The following CFAP43 variants were observed in gnomAD, a reference collection of about 807,000 sequenced individuals.
CFAP43 encodes cilia and flagella associated protein 43, also known as cilia- and flagella-associated protein 43.
In CFAP43, 155 loss-of-function variants were observed where a neutral mutation model predicts 218.9. The observed-to-expected ratio is 0.71, with a 90% confidence interval of 0.62 to 0.81. The LOEUF (loss-of-function observed/expected upper bound fraction) is 0.81, where lower values mean the gene tolerates loss of function less well. Ranked by LOEUF, CFAP43 falls within the 30% of genes least tolerant of loss-of-function variation. CFAP43 has a pLI of 0.00. For synonymous variants in CFAP43, 645 were observed against 681.3 expected (o/e 0.95, Z 0.83); for missense variants, 1,778 against 1,954.3 (o/e 0.91, Z 1.70).
chr10:104,179,294 A>G (rs779143293), intron 18 of CFAP43, among the ~76,000 whole-genome samples, 188 bp from the exon 19 acceptor site: 1 of 152,230 alleles, frequency 6.6e-6, no homozygotes. Flanking sequence ...AAGTGACATT[A>G]AAGCAACATG....
intron 28 of CFAP43, 149 bp downstream of exon 28, chr10:104,152,458 G>C: frequency 9.6e-7 from 1 of 1,045,510 alleles, no homozygotes; most frequent in Non-Finnish European, 1.4e-6. Context: ...AGGTAAAGGG[G>C]AAGGTGCACA....
intron 33 of CFAP43, 105 bp downstream of exon 33, chr10:104,142,176 A>G: frequency 1.2e-6 from 1 of 836,054 alleles, no homozygotes; most frequent in Non-Finnish European, 1.8e-6. Context: ...TGGAAGGGAG[A>G]TGGCTGTAAA....
Position 104,152,689 on chromosome 10 carries a change from A to G in CFAP43, c.3578T>C (p.Ile1193Thr), listed in dbSNP as rs752619388. 1.1e-5 allele frequency: 18 copies of G among 1,613,320 alleles called. No individual in the cohort carries two copies. Among genetic ancestry groups the G allele is most frequent in the Middle Eastern group, 1.7e-4 (1 of 6,058 alleles). Residue 1193 changes from isoleucine to threonine, a missense_variant, in exon 28 of 38, where the codon ATT becomes ACT. Physicochemically the swap from Ile to Thr is moderately conservative, Grantham distance 89. Transcript: ENST00000357060. ...ATCAAAGGCCTGTGTGCTTTCTTGA[A>G]TAGAGTTTTGAAGTTTCTTCAGTTC... ...EAELKKLQNS[I>T]QESTQAFDEH...
intron 3 of CFAP43, among the ~76,000 whole-genome samples, chr10:104,218,012 C>T (rs1439917919): frequency 2.6e-5 from 4 of 152,146 alleles, no homozygotes; most frequent in African/African-American, 2.4e-5. Flanking sequence ...TTGCTTGCGC[C>T]GTAAATACAT....
In CFAP43 at chr10:104,167,738, C is replaced by A. The variant is rs200679559; in HGVS notation, c.2692-1G>T. The A allele has an allele frequency of 1.9e-6, 3 of 1,596,058 alleles. No homozygotes were observed. Among genetic ancestry groups the A allele is most frequent in the African/African-American group, 2.7e-5 (2 of 73,834 alleles). ...CAACCACACAGGGGATATGAAAACA[C>A]TTGGGGAAAAAAACGCAAGACAAAA... is the stretch of plus-strand genomic sequence containing the variant. On this transcript the variant is annotated splice_acceptor_variant, in intron 21 of 37. Coordinates refer to ENST00000357060, the MANE Select transcript of CFAP43 (RefSeq NM_025145.7). LOFTEE classifies it high-confidence loss of function.
chr10:104,162,285 T>A (rs1307376943), intron 25 of CFAP43, 32 bp downstream of exon 25: 1 of 1,569,964 alleles, frequency 6.4e-7, no homozygotes, highest in Middle Eastern at 1.7e-4. Flanking sequence ...GCAAAGAGGG[T>A]CTTAGGACCT....
At chr10:104,131,999 T>A (rs1367542799) in intron 36 of CFAP43, 117 bp downstream of exon 36, 5 of 695,424 alleles carry the variant, frequency 7.2e-6, no homozygotes, top group Non-Finnish European at 1.1e-5. Flanking sequence ...TCATGAATAC[T>A]AGTAAATAAC....
Position 104,189,973 on chromosome 10 carries a change from C to T in CFAP43, c.1547-1563G>A, listed in dbSNP as rs368509349. On this transcript the variant is annotated intron_variant, in intron 12 of 37. Coordinates refer to ENST00000357060, the MANE Select transcript of CFAP43 (RefSeq NM_025145.7). Reference sequence around the variant, plus strand: ...ATGAGGTCAGGAGATCGAGACCATCCTGGCTAACATGGTGAAACCCCGTTT... The same window carrying T: ...ATGAGGTCAGGAGATCGAGACCATCTTGGCTAACATGGTGAAACCCCGTTT... Among the ~76,000 whole-genome samples, 72 of 152,190 alleles carry T rather than the reference C, an allele frequency of 4.7e-4. 1 individual carries two copies. In the East Asian group the frequency reaches 0.014, roughly 29 times the overall value.
intron 26 of CFAP43, among the ~76,000 whole-genome samples, 164 bp downstream of exon 26, chr10:104,161,797 C>T (rs766666425): frequency 5.3e-5 from 8 of 152,084 alleles, no homozygotes; most frequent in East Asian, 3.9e-4. Flanking sequence ...TAAGCCACCA[C>T]GCCAGGCCCT....
At chr10:104,155,337 C>G (rs2088485081) in intron 27 of CFAP43, among the ~76,000 whole-genome samples, 1 of 152,116 alleles carries the variant, frequency 6.6e-6, no homozygotes, top group South Asian at 2.1e-4. Flanking sequence ...GCACTCATAG[C>G]AGTGAGGGGA....
intron 35 of CFAP43, among the ~76,000 whole-genome samples, chr10:104,133,281 A>G (rs187437748): frequency 3.9e-5 from 6 of 152,346 alleles, no homozygotes; most frequent in African/African-American, 1.2e-4. Context: ...TAAAAGAGGT[A>G]GAGTGGTATG....
At chr10:104,223,514 G>A (rs2091236139) in intron 3 of CFAP43, among the ~76,000 whole-genome samples, 1 of 152,214 alleles carries the variant, frequency 6.6e-6, no homozygotes, top group East Asian at 1.9e-4. Context: ...AGTAATTTGT[G>A]GAGCCAGGAT....
intron 32 of CFAP43, 81 bp downstream of exon 32, chr10:104,143,345 T>C (rs963727806): frequency 7.8e-5 from 97 of 1,251,070 alleles, no homozygotes; most frequent in Admixed American, 1.2e-4. Context: ...ATAATTAGCT[T>C]TTTTGGTTAC....
intron 10 of CFAP43, among the ~76,000 whole-genome samples, chr10:104,194,614 G>C (rs1462538405): frequency 6.6e-6 from 1 of 152,148 alleles, no homozygotes; most frequent in Non-Finnish European, 1.5e-5. Flanking sequence ...ACCGGAAGAT[G>C]TATTCAGTCA....
intron 10 of CFAP43, among the ~76,000 whole-genome samples, chr10:104,195,563 A>G (rs1271561979): frequency 6.6e-6 from 1 of 152,222 alleles, no homozygotes; most frequent in Non-Finnish European, 1.5e-5. Context: ...CATCTTATGT[A>G]AAATATGATG....
Position 104,146,274 on chromosome 10 carries a change from C to G in CFAP43, c.3844G>C (p.Ala1282Pro). The change falls in exon 30 of 38, where the codon GCA becomes CCA. Residue 1282 changes from alanine (A) to proline (P), a missense_variant. Ala to Pro is a conservative substitution (Grantham distance 27). This residue lies in a region of CFAP43 where 1,553 missense variants were observed against 1,685.2 expected (regional missense o/e 0.92). Transcript: ENST00000357060. ...VCKEHYDNLL[A>P]EDKVMDRSFK... ...ACAACAACTCTCACTTTGTCTTCTG[C>G]CAGTAAGTTGTCATAGTGCTCCTTG... is the stretch of plus-strand genomic sequence containing the variant. 6.2e-7 allele frequency: 1 copy of G among 1,613,462 alleles called. No homozygotes were observed. The highest frequency in any genetic ancestry group is 1.1e-5 in the South Asian group (1 of 91,048).
At position 104,142,377 on chromosome 10, in the gene CFAP43, G is replaced by T; in HGVS notation, c.4175C>A (p.Ala1392Asp). 1 of 1,612,586 alleles carries T rather than the reference G, an allele frequency of 6.2e-7. No homozygotes were observed. Among genetic ancestry groups the T allele is most frequent in the Non-Finnish European group, 8.5e-7 (1 of 1,179,322 alleles). Residue 1392 changes from alanine to aspartate, a missense_variant, in exon 33 of 38, where the codon GCT becomes GAT. Coordinates refer to ENST00000357060, the MANE Select transcript of CFAP43 (RefSeq NM_025145.7). Reference sequence around the variant, plus strand: ...GAAAGTTGCCATTTCCAATAAGTCAGCTGCTTTCTGCTTTACCTAAAGAAA... The same window carrying T: ...GAAAGTTGCCATTTCCAATAAGTCATCTGCTTTCTGCTTTACCTAAAGAAA... ...ENEQKVKQKA[A>D]DLLEMATFLQ...
In CFAP43 at chr10:104,130,310, C is replaced by T; in HGVS notation, c.4832-5G>A. The T allele has an allele frequency of 6.2e-7, 1 of 1,600,450 alleles. No individual in the cohort carries two copies. The highest frequency in any genetic ancestry group is 8.5e-7 in the Non-Finnish European group (1 of 1,176,954). Reference sequence around the variant, plus strand: ...TTTCACAAGTCAGTTTAGACCCTATCCCAAAAATGAATAAAGGAATTCGAT... The same window carrying T: ...TTTCACAAGTCAGTTTAGACCCTATTCCAAAAATGAATAAAGGAATTCGAT... On this transcript the variant is annotated splice_polypyrimidine_tract_variant and splice_region_variant and intron_variant, in intron 37 of 37. Transcript: ENST00000357060.
chr10:104,217,581 G>A (rs2091050257), intron 3 of CFAP43, among the ~76,000 whole-genome samples: 1 of 152,134 alleles, frequency 6.6e-6, no homozygotes, highest in South Asian at 2.1e-4. Flanking sequence ...CAAGAGGGCT[G>A]GACCTTCCGT....
Sources: gnomAD v4.1 joint callset for allele counts (sites outside exome capture counted in the v4.1 genomes callset) on GRCh38, gnomAD v4.1.1 for gene constraint, gnomAD v4.1.1 regional missense constraint, MANE v1.5 for transcripts, NCBI Gene and HGNC (gene_info 2026-07-23, HGNC 2026-07-21) for gene names.